Variants in GDI2 observed in about 807,000 individuals in gnomAD.
GDI2 encodes GDP dissociation inhibitor 2, also known as rab GDP dissociation inhibitor beta.
A neutral mutation model predicts 54.2 loss-of-function variants in GDI2; 22 were observed. The observed-to-expected ratio is 0.41, with a 90% CI of 0.29 to 0.58. The LOEUF is 0.58. Ranked by LOEUF, GDI2 falls within the 20% of genes least tolerant of loss-of-function variation. The pLI, the probability that GDI2 is intolerant of heterozygous loss-of-function variation, is 0.35. For missense variants in GDI2, 422 were observed against 546.0 expected, an observed-to-expected ratio of 0.77 and a Z score of 2.26; for synonymous variants, 177 against 182.1, an observed-to-expected ratio of 0.97 and a Z score of 0.23.
At chr10:5,802,461 T>C (rs963683971) in intron 1 of GDI2, among the ~76,000 whole-genome samples, 1 of 152,002 alleles carries the variant, frequency 6.6e-6, no homozygotes. Context: ...TAGCTGGGCA[T>C]GGTGGCGCAT....
Position 5,776,629 on chromosome 10 carries a change from T to C in GDI2, c.720-2688A>G. 6 of 1,497,024 alleles carry C rather than the reference T, an allele frequency of 4.0e-6. No homozygotes were observed. Among genetic ancestry groups the C allele is most frequent in the Non-Finnish European group, 3.7e-6 (4 of 1,078,270 alleles). The allele number at this position is 1,497,024 out of a possible 1,614,324, so 92.7% of individuals were successfully genotyped here. A position where few individuals can be genotyped will look rare whatever the true frequency, so the allele number is the denominator to read the frequency against. On this transcript the variant is annotated intron_variant, in intron 6 of 10. Coordinates refer to ENST00000380191, the MANE Select transcript of GDI2 (RefSeq NM_001494.4). This position sits in a 1 kb window ranked among gnomAD's most constrained non-coding sequence, Gnocchi z 5.3. Reference sequence around the variant, plus strand: ...CTGAAAAGGGCAGACTTCTAAATGGTCCAATAGAAAAGGAGCTGGATGTAG... The same window carrying C: ...CTGAAAAGGGCAGACTTCTAAATGGCCCAATAGAAAAGGAGCTGGATGTAG...
chr10:5,806,674 C>A (rs1051086207), intron 1 of GDI2, among the ~76,000 whole-genome samples: 1 of 151,864 alleles, frequency 6.6e-6, no homozygotes, highest in African/African-American at 2.4e-5. Context: ...AAAATCAACC[C>A]TAATACTGAC....
At position 5,776,202 on chromosome 10, in the gene GDI2, C is replaced by T. The variant is rs911911640; in HGVS notation, c.720-2261G>A. 8.9e-5 allele frequency: 34 copies of T among 384,044 alleles called. No individual in the cohort carries two copies. The highest frequency in any genetic ancestry group is 6.8e-4 in the African/African-American group (32 of 47,068). 23.8% of individuals were successfully genotyped at this position (384,044 alleles called of 1,614,324 possible). The stretch of plus-strand genomic sequence containing the variant: ...CCGTGAAGCTGACAGTCTGAGCAGG[C>T]TCATTTTTCACTGGAATTGCAAAGG... On this transcript the variant is annotated intron_variant, in intron 6 of 10. Transcript: ENST00000380191. The surrounding 1 kb of genome is among the most constrained non-coding windows in gnomAD (Gnocchi z 5.3).
At chr10:5,800,050 A>G (rs1023646278) in intron 2 of GDI2, among the ~76,000 whole-genome samples, 2 of 152,242 alleles carry the variant, frequency 1.3e-5, no homozygotes, top group African/African-American at 2.4e-5. Flanking sequence ...TCTATCTCCC[A>G]TAAGACACAG....
At chr10:5,795,518 C>A (rs1394313610) in intron 3 of GDI2, among the ~76,000 whole-genome samples, 1 of 152,038 alleles carries the variant, frequency 6.6e-6, no homozygotes, top group East Asian at 1.9e-4. Context: ...ATCTTTTTTT[C>A]CTATTCAAGG....
At chr10:5,769,653 A>G (rs1840440303) in intron 7 of GDI2, among the ~76,000 whole-genome samples, 1 of 152,268 alleles carries the variant, frequency 6.6e-6, no homozygotes, top group Non-Finnish European at 1.5e-5. Flanking sequence ...AGCACATGCA[A>G]AGATGTTCAA....
rs139588848 is a variant in GDI2 at position 5,773,931 on chromosome 10, T to G, written c.730A>C (p.Ile244Leu). The G allele has an allele frequency of 3.8e-5, 56 of 1,472,874 alleles. No homozygotes were observed. The highest frequency in any genetic ancestry group is 5.0e-5 in the Non-Finnish European group (53 of 1,063,422). 91.2% of individuals were successfully genotyped at this position (1,472,874 alleles called of 1,614,324 possible). Reference protein sequence around the residue: ...LPQGFARLSAIYGGTYMLNKP... With the variant: ...LPQGFARLSALYGGTYMLNKP... The stretch of plus-strand genomic sequence containing the variant: ...TTCAGCATATAGGTACCTCCATAAA[T>G]AGCACTTAGCCTGGAAAATTTTTAA... Residue 244 changes from isoleucine (I) to leucine (L), a missense_variant, in exon 7 of 11, where the codon ATT (isoleucine) becomes CTT (leucine). Ile to Leu is a conservative substitution (Grantham distance 5). Coordinates refer to ENST00000380191, the MANE Select transcript of GDI2 (RefSeq NM_001494.4).
At chr10:5,790,495 A>G (rs890369919) in intron 4 of GDI2, among the ~76,000 whole-genome samples, 6 of 152,166 alleles carry the variant, frequency 3.9e-5, no homozygotes, top group South Asian at 2.1e-4. Flanking sequence ...AATACAAAAA[A>G]TTAGCCAGGT....
At chr10:5,807,745 G>A (rs1303805216) in intron 1 of GDI2, among the ~76,000 whole-genome samples, 10 of 152,160 alleles carry the variant, frequency 6.6e-5, no homozygotes, top group South Asian at 4.1e-4. Context: ...AACCATCAGC[G>A]ATACTGACGT....
intron 4 of GDI2, among the ~76,000 whole-genome samples, chr10:5,792,235 T>A (rs1282096723): frequency 6.6e-6 from 1 of 152,224 alleles, no homozygotes; most frequent in East Asian, 1.9e-4. Flanking sequence ...TTACTAGCTA[T>A]ACTACTTTGT....
At chr10:5,812,782 G>T (rs1841503948) in intron 1 of GDI2, among the ~76,000 whole-genome samples, 1 of 152,198 alleles carries the variant, frequency 6.6e-6, no homozygotes, top group Non-Finnish European at 1.5e-5. Context: ...CCGGGGCAGC[G>T]GCCGAGGCGG....
intron 1 of GDI2, among the ~76,000 whole-genome samples, chr10:5,805,535 C>T (rs781579413): frequency 3.9e-5 from 6 of 152,018 alleles, no homozygotes; most frequent in Non-Finnish European, 7.3e-5. Flanking sequence ...CATGTGCCAC[C>T]ACGCCTGCCA....
chr10:5,780,927 G>A lies in GDI2; in HGVS notation c.719+4215C>T, dbSNP rs539270251. Among the ~76,000 whole-genome samples, 12 of 152,186 alleles carry A rather than the reference G, an allele frequency of 7.9e-5. No homozygotes were observed. The South Asian group carries it at 1.7e-3, about 21-fold the overall frequency. Reference sequence around the variant, plus strand: ...ATTTTAAAAACGTATATGGAAATGCGAACACCCAAAACAAATTCTGAAGAA... The same window carrying A: ...ATTTTAAAAACGTATATGGAAATGCAAACACCCAAAACAAATTCTGAAGAA... On this transcript the variant is annotated intron_variant, in intron 6 of 10. Transcript: ENST00000380191.
At position 5,805,138 on chromosome 10, in the gene GDI2, G is replaced by A. The variant is rs118091367; in HGVS notation, c.46-4433C>T. Among the ~76,000 whole-genome samples the A allele has an allele frequency of 6.1e-3, 933 of 151,900 alleles. 13 individuals are homozygous for A. Among genetic ancestry groups the A allele is most frequent in the Middle Eastern group, 0.041 (12 of 294 alleles). Reference sequence around the variant, plus strand: ...TGAGCCATGGCACCCGGCTACTATCGGGAGCTTTTCAGAGTGTATGGCTAA... The same window carrying A: ...TGAGCCATGGCACCCGGCTACTATCAGGAGCTTTTCAGAGTGTATGGCTAA... On this transcript the variant is annotated intron_variant, in intron 1 of 10. Coordinates refer to ENST00000380191, the MANE Select transcript of GDI2 (RefSeq NM_001494.4).
At chr10:5,791,697 A>C (rs1473733380) in intron 4 of GDI2, among the ~76,000 whole-genome samples, 2 of 150,090 alleles carry the variant, frequency 1.3e-5, no homozygotes, top group East Asian at 1.9e-4. Flanking sequence ...CAGTGAGCGC[A>C]CCATTGCACT....
At chr10:5,789,177 C>T (rs1840950982) in intron 4 of GDI2, among the ~76,000 whole-genome samples, 1 of 151,984 alleles carries the variant, frequency 6.6e-6, no homozygotes, top group Admixed American at 6.6e-5. Flanking sequence ...GCAACCACAG[C>T]TCACTGCAGC....
intron 6 of GDI2, among the ~76,000 whole-genome samples, chr10:5,777,523 A>C (rs1840653522): frequency 6.6e-6 from 1 of 152,196 alleles, no homozygotes; most frequent in South Asian, 2.1e-4. Context: ...AGAAACATGA[A>C]AAAAAGCTCA....
intron 7 of GDI2, among the ~76,000 whole-genome samples, chr10:5,772,984 G>C (rs1564388642): frequency 6.6e-6 from 1 of 151,954 alleles, no homozygotes; most frequent in Non-Finnish European, 1.5e-5. Context: ...CCGCCTCTTA[G>C]GATCCTTGTA....
chr10:5,808,815 T>C (rs1467023943), intron 1 of GDI2, among the ~76,000 whole-genome samples: 1 of 151,308 alleles, frequency 6.6e-6, no homozygotes, highest in East Asian at 1.9e-4. Flanking sequence ...ACTACTTACC[T>C]AGAAACATGA....
Sources: gnomAD v4.1 joint callset for allele counts (sites outside exome capture counted in the v4.1 genomes callset) on GRCh38, gnomAD v4.1.1 for gene constraint, Gnocchi (gnomAD v3.1) non-coding constraint, MANE v1.5 for transcripts, NCBI Gene and HGNC (gene_info 2026-07-23, HGNC 2026-07-21) for gene names.